CHN2: variants seen among roughly 807,000 people sequenced by gnomAD.
CHN2 encodes beta-chimaerin.
In CHN2, 35 loss-of-function variants were observed where a neutral mutation model predicts 56.3. That is an observed-to-expected ratio of 0.62 (90% CI 0.47 to 0.82). The LOEUF (loss-of-function observed/expected upper bound fraction) is 0.82. CHN2 is among the 40% of genes least tolerant of loss of function. CHN2 has a pLI of 0.00. For missense variants in CHN2, 491 were observed against 580.5 expected, an observed-to-expected ratio of 0.85 and a Z score of 1.58; for synonymous variants, 210 against 212.8, an observed-to-expected ratio of 0.99 and a Z score of 0.12.
At chr7:29,500,963 G>A (rs999205840) in intron 9 of CHN2, among the ~76,000 whole-genome samples, 8 of 152,132 alleles carry the variant, frequency 5.3e-5, no homozygotes, top group African/African-American at 1.7e-4. Context: ...TGAAGTTGCC[G>A]GATATAATTT....
At chr7:29,334,747 C>A (rs1796487062) in intron 1 of CHN2, among the ~76,000 whole-genome samples, 2 of 151,480 alleles carry the variant, frequency 1.3e-5, no homozygotes, top group Non-Finnish European at 2.9e-5. Flanking sequence ...CAGAGCCAGA[C>A]CCTGTCTCAA....
At chr7:29,442,272 G>A (rs4719974) in intron 6 of CHN2, among the ~76,000 whole-genome samples, 36,585 of 152,092 alleles carry the variant, frequency 0.24, 4,526 homozygotes, top group Middle Eastern at 0.31. Context: ...CTCCCCATCA[G>A]GTCAGATTCT....
chr7:29,285,524 T>C (rs190335444), intron 1 of CHN2, among the ~76,000 whole-genome samples: 17 of 152,344 alleles, frequency 1.1e-4, no homozygotes, highest in Admixed American at 3.3e-4. Flanking sequence ...CTAAATATTC[T>C]GTTTCCATGA....
intron 2 of CHN2, among the ~76,000 whole-genome samples, chr7:29,174,956 A>G (rs1430470667): frequency 6.6e-6 from 1 of 152,154 alleles, no homozygotes; most frequent in Non-Finnish European, 1.5e-5. Flanking sequence ...AATGAAAAAT[A>G]TAAAAATTGT....
chr7:29,303,030 CA>C (rs1793826831), intron 1 of CHN2, among the ~76,000 whole-genome samples: 1 of 152,142 alleles, frequency 6.6e-6, no homozygotes, highest in African/African-American at 2.4e-5. Flanking sequence ...GCCCATCTTC[CA>C]GGTCCATCTA....
intron 2 of CHN2, among the ~76,000 whole-genome samples, chr7:29,167,669 A>G (rs1389806640): frequency 6.6e-6 from 1 of 152,184 alleles, no homozygotes; most frequent in Non-Finnish European, 1.5e-5. Flanking sequence ...ATCTTCACCA[A>G]TATTTGGTTT....
At chr7:29,158,878 T>C (rs1794792374) in intron 2 of CHN2, among the ~76,000 whole-genome samples, 1 of 152,210 alleles carries the variant, frequency 6.6e-6, no homozygotes. Flanking sequence ...GTATAAACAT[T>C]CCTTTGGGGG....
intron 2 of CHN2, among the ~76,000 whole-genome samples, chr7:29,167,234 T>G (rs1796032728): frequency 6.6e-6 from 1 of 152,222 alleles, no homozygotes; most frequent in Non-Finnish European, 1.5e-5. Context: ...AATAATATAT[T>G]AATTTTAACT....
intron 2 of CHN2, among the ~76,000 whole-genome samples, chr7:29,360,759 G>C (rs1798676651): frequency 6.6e-6 from 1 of 152,230 alleles, no homozygotes; most frequent in Non-Finnish European, 1.5e-5. Flanking sequence ...GAAGTAGACT[G>C]TTAGAAGCCA....
intron 6 of CHN2, among the ~76,000 whole-genome samples, chr7:29,410,868 C>T (rs1248695027): frequency 1.3e-5 from 2 of 152,096 alleles, no homozygotes; most frequent in East Asian, 3.9e-4. Flanking sequence ...ATATAATGCT[C>T]TAGTTATTTA....
chr7:29,156,951 A>G lies in CHN2; in HGVS notation c.274+9991A>G, dbSNP rs148131483. ...CAAGAAAAGACATCTAACAAACATCAAAACAAAAGCTACCCTTCGAGCTCA... is the reference window on the plus strand; with the variant it reads ...CAAGAAAAGACATCTAACAAACATCGAAACAAAAGCTACCCTTCGAGCTCA... On this transcript the variant is annotated intron_variant, in intron 2 of 6. Transcript: ENST00000439384. Among the ~76,000 whole-genome samples, 15 of 152,294 alleles carry G rather than the reference A, an allele frequency of 9.8e-5. No homozygotes were observed. The East Asian group carries it at 2.9e-3, about 29-fold the overall frequency.
intron 6 of CHN2, among the ~76,000 whole-genome samples, chr7:29,442,243 G>A (rs888376375): frequency 2.0e-5 from 3 of 152,196 alleles, no homozygotes; most frequent in African/African-American, 7.2e-5. Context: ...AGAAGCCACA[G>A]GAAGGGTATT....
Position 29,456,620 on chromosome 7 carries a change from C to CACCA in CHN2, c.577-23659_577-23658insACCA, listed in dbSNP as rs1385411352. 6.7e-3 allele frequency among the ~76,000 whole-genome samples: 918 copies of CACCA among 137,466 alleles called. 8 individuals carry two copies. The highest frequency in any genetic ancestry group is 0.02 in the Middle Eastern group (5 of 256). The allele number at this position is 137,466 out of a possible 152,430, so 90.2% of individuals were successfully genotyped here. ...CCCTGCCACCACCCGCCCCCTCCCC[C>CACCA]CCACCACCACCACCAACACCCCTCT... is the stretch of plus-strand genomic sequence containing the variant. On this transcript the variant is annotated intron_variant, in intron 6 of 12. Coordinates refer to ENST00000222792, the MANE Select transcript of CHN2 (RefSeq NM_004067.4).
chr7:29,509,173 G>C, intron 11 of CHN2, 128 bp from the exon 12 acceptor site: 1 of 679,842 alleles, frequency 1.5e-6, no homozygotes, highest in Non-Finnish European at 2.6e-6. Flanking sequence ...AAGTGAAACA[G>C]TGCTTGGATT....
intron 1 of CHN2, among the ~76,000 whole-genome samples, chr7:29,242,194 G>T (rs886193238): frequency 6.6e-6 from 1 of 152,134 alleles, no homozygotes; most frequent in Admixed American, 6.5e-5. Context: ...TGGAACCTAG[G>T]CAGGCTGCCT....
chr7:29,290,141 C>A (rs1177224574), intron 1 of CHN2, among the ~76,000 whole-genome samples: 1 of 152,224 alleles, frequency 6.6e-6, no homozygotes, highest in African/African-American at 2.4e-5. Flanking sequence ...ATTTCCCTAA[C>A]TGCACTGTTT....
chr7:29,504,994 A>T lies in CHN2; in HGVS notation c.991+173A>T, dbSNP rs6462145. Among the ~76,000 whole-genome samples, 120,254 of 152,100 alleles carry T rather than the reference A, an allele frequency of 0.79. 48,405 individuals are homozygous for T. Among genetic ancestry groups the T allele is most frequent in the African/African-American group, 0.94 (39,157 of 41,536 alleles). On this transcript the variant is annotated intron_variant, in intron 10 of 12. Transcript: ENST00000222792. ...TTTCTGCCTCACTGGGTGAAGTGTT[A>T]CCTTCACAGCCATTGATAAGTGATC...
chr7:29,239,109 A>G (rs1160307527), intron 1 of CHN2, among the ~76,000 whole-genome samples: 3 of 152,170 alleles, frequency 2.0e-5, no homozygotes, highest in African/African-American at 4.8e-5. Flanking sequence ...GCATGGGCAG[A>G]ATTAGGTGCA....
chr7:29,157,065 G>A (rs760863866), intron 2 of CHN2, among the ~76,000 whole-genome samples: 2 of 152,122 alleles, frequency 1.3e-5, no homozygotes, highest in Non-Finnish European at 2.9e-5. Flanking sequence ...CAGCCTCCTA[G>A]CTGCACCGAC....
Sources: gnomAD v4.1 joint callset for allele counts (sites outside exome capture counted in the v4.1 genomes callset) on GRCh38, gnomAD v4.1.1 for gene constraint, MANE v1.5 for transcripts, NCBI Gene and HGNC (gene_info 2026-07-23, HGNC 2026-07-21) for gene names.